DNAJC3: variants seen among roughly 807,000 people sequenced by gnomAD.
The protein encoded by DNAJC3 is dnaJ homolog subfamily C member 3.
In DNAJC3, 38 loss-of-function variants were observed where a neutral mutation model predicts 68.6. That is an observed-to-expected ratio of 0.55 (90% CI 0.43 to 0.73). The LOEUF (loss-of-function observed/expected upper bound fraction) is 0.73. DNAJC3 is among the 30% of genes least tolerant of loss of function. DNAJC3 has a pLI of 0.00. For synonymous variants in DNAJC3, 203 were observed against 204.0 expected (o/e 1.00, Z 0.04); for missense variants, 526 against 591.9 (o/e 0.89, Z 1.16).
chr13:95,726,328 C>T (rs1423834591), intron 4 of DNAJC3, among the ~76,000 whole-genome samples: 2 of 152,212 alleles, frequency 1.3e-5, no homozygotes, highest in East Asian at 3.8e-4. Context: ...ACATCCTCCC[C>T]AGCACCTGTT....
At chr13:95,775,906 C>T (rs1883278228) in intron 9 of DNAJC3, among the ~76,000 whole-genome samples, 2 of 152,102 alleles carry the variant, frequency 1.3e-5, no homozygotes, top group Non-Finnish European at 2.9e-5. Context: ...GAAACCTATG[C>T]CTCTGTCTTA....
chr13:95,680,270 G>C lies in DNAJC3; in HGVS notation c.82+2933G>C, dbSNP rs1879877963. On this transcript the variant is annotated intron_variant, in intron 1 of 11. Coordinates refer to ENST00000602402, the MANE Select transcript of DNAJC3 (RefSeq NM_006260.5). ...TTTTTCTTCCTTAACATGCTATCTG[G>C]ACCCAATTTTTCTTTATTTCATTGA... 1.3e-5 allele frequency among the ~76,000 whole-genome samples: 2 copies of C among 151,962 alleles called. 1 individual carries two copies. Among genetic ancestry groups the C allele is most frequent in the South Asian group, 4.1e-4 (2 of 4,822 alleles).
At chr13:95,718,153 A>G (rs1881211029) in intron 2 of DNAJC3, among the ~76,000 whole-genome samples, 1 of 152,260 alleles carries the variant, frequency 6.6e-6, no homozygotes, top group South Asian at 2.1e-4. Flanking sequence ...ATATTTCCAC[A>G]TGTAGACTTG....
intron 4 of DNAJC3, among the ~76,000 whole-genome samples, chr13:95,750,834 C>T (rs1882451878): frequency 6.6e-6 from 1 of 151,122 alleles, no homozygotes; most frequent in Non-Finnish European, 1.5e-5. Flanking sequence ...TGTCTGTAAA[C>T]TGGAAATAGT....
chr13:95,694,734 A>G (rs1043193816), intron 1 of DNAJC3: 1 of 152,612 alleles, frequency 6.6e-6, no homozygotes, highest in African/African-American at 2.4e-5. Flanking sequence ...CATACACTAC[A>G]CACCGGACAC....
intron 4 of DNAJC3, among the ~76,000 whole-genome samples, chr13:95,730,787 C>T (rs1210849676): frequency 1.3e-5 from 2 of 152,096 alleles, no homozygotes; most frequent in Non-Finnish European, 2.9e-5. Context: ...TTTGGCTATT[C>T]AGGCTCTGTT....
intron 11 of DNAJC3, 104 bp downstream of exon 11, chr13:95,787,259 G>C (rs1002915793): frequency 7.1e-7 from 1 of 1,414,752 alleles, no homozygotes. Context: ...GGCAGTGACG[G>C]GTCCTGAGCC....
At chr13:95,735,942 T>C (rs1444659637) in intron 4 of DNAJC3, among the ~76,000 whole-genome samples, 5 of 152,224 alleles carry the variant, frequency 3.3e-5, no homozygotes, top group African/African-American at 1.2e-4. Flanking sequence ...TTCTAGGGTT[T>C]TTAAGGTTTT....
intron 2 of DNAJC3, among the ~76,000 whole-genome samples, chr13:95,717,768 C>T (rs113246349): frequency 0.013 from 1,935 of 152,308 alleles, 44 homozygotes; most frequent in African/African-American, 0.044. Flanking sequence ...ATGTGCCTTT[C>T]GCCTTCGGCC....
rs772288524 is a variant in DNAJC3, at chr13:95,709,333, C to T, written c.189C>T (p.Ala63=). Residue 63 remains alanine (A), a synonymous_variant, in exon 2 of 12, where the codon GCC becomes GCT. Transcript: ENST00000602402. ...ATGCTTTATCTCAGTTTCATGCTGC[C>T]GTAGGTTTGTATCATGGAACCAAAT... ...LADALSQFHA[A]VDGDPDNYIA... 8 of 1,583,384 alleles carry T rather than the reference C, an allele frequency of 5.1e-6. No homozygotes were observed. The highest frequency in any genetic ancestry group is 3.6e-5 in the South Asian group (3 of 84,160).
At chr13:95,774,543 A>G (rs1883246586) in intron 9 of DNAJC3, among the ~76,000 whole-genome samples, 1 of 152,204 alleles carries the variant, frequency 6.6e-6, no homozygotes, top group Non-Finnish European at 1.5e-5. Flanking sequence ...TTTTTCCATC[A>G]GGTATAAGGT....
intron 2 of DNAJC3, among the ~76,000 whole-genome samples, chr13:95,715,730 C>A (rs981414596): frequency 2.0e-5 from 3 of 146,728 alleles, no homozygotes; most frequent in Non-Finnish European, 4.4e-5. Context: ...TGATGATCCA[C>A]CCCCCCTTGG....
At chr13:95,728,913 T>C (rs1881613697) in intron 4 of DNAJC3, among the ~76,000 whole-genome samples, 2 of 152,160 alleles carry the variant, frequency 1.3e-5, no homozygotes, top group African/African-American at 4.8e-5. Flanking sequence ...GCTGTGTGTT[T>C]GTACCCATTA....
intron 9 of DNAJC3, among the ~76,000 whole-genome samples, chr13:95,777,216 T>G (rs949042127): frequency 6.6e-6 from 1 of 152,190 alleles, no homozygotes; most frequent in Admixed American, 6.5e-5. Flanking sequence ...CTCGTAGTTA[T>G]TGTTCTGTTC....
chr13:95,689,978 TTTTTTC>T (rs1175542034), intron 1 of DNAJC3, among the ~76,000 whole-genome samples: 2 of 152,202 alleles, frequency 1.3e-5, no homozygotes, highest in African/African-American at 4.8e-5. Flanking sequence ...TTGGACTTTT[TTTTTTC>T]TTTTTCTTTT....
chr13:95,701,828 C>A (rs1880593449), intron 1 of DNAJC3, among the ~76,000 whole-genome samples: 1 of 152,172 alleles, frequency 6.6e-6, no homozygotes, highest in Non-Finnish European at 1.5e-5. Flanking sequence ...AACTTGTGCC[C>A]TCACAGTACC....
intron 2 of DNAJC3, among the ~76,000 whole-genome samples, chr13:95,713,674 T>G (rs1353421447): frequency 6.6e-6 from 1 of 152,208 alleles, no homozygotes; most frequent in East Asian, 1.9e-4. Context: ...TCTTCATGAG[T>G]TGCCTTGTGG....
chr13:95,793,222 C>T lies in DNAJC3; in HGVS notation c.*2192C>T, dbSNP rs1454215816. 2 of 152,212 alleles carry T rather than the reference C, an allele frequency of 1.3e-5. No homozygotes were observed. The highest frequency in any genetic ancestry group is 4.8e-5 in the African/African-American group (2 of 41,452). The allele number at this position is 152,212 out of a possible 1,614,324, so 9.4% of individuals were successfully genotyped here. On this transcript the variant is annotated 3_prime_UTR_variant, in exon 12 of 12. Coordinates refer to ENST00000602402, the MANE Select transcript of DNAJC3 (RefSeq NM_006260.5). Reference sequence around the variant, plus strand: ...CCAGTGCCATGGAGGGAAATGAATTCTCTGCAATCTGTTGTTTCGCTGATT... The same window carrying T: ...CCAGTGCCATGGAGGGAAATGAATTTTCTGCAATCTGTTGTTTCGCTGATT...
At chr13:95,727,814 T>A (rs1369529445) in intron 4 of DNAJC3, among the ~76,000 whole-genome samples, 1 of 152,212 alleles carries the variant, frequency 6.6e-6, no homozygotes, top group African/African-American at 2.4e-5. Context: ...TTCATGTACC[T>A]ACCACCATAG....
Sources: gnomAD v4.1 joint callset for allele counts (sites outside exome capture counted in the v4.1 genomes callset) on GRCh38, gnomAD v4.1.1 for gene constraint, MANE v1.5 for transcripts, NCBI Gene and HGNC (gene_info 2026-07-23, HGNC 2026-07-21) for gene names.